WWC2: variants seen among roughly 807,000 people sequenced by gnomAD.
WWC2 encodes protein WWC2.
In WWC2, 101 loss-of-function variants were observed where a neutral mutation model predicts 138.5. The observed-to-expected ratio is 0.73, with a 90% CI of 0.62 to 0.86. The LOEUF is 0.86. Ranked by LOEUF, WWC2 falls within the 40% of genes least tolerant of loss-of-function variation. The pLI is 0.00. For synonymous variants in WWC2, 558 were observed against 538.4 expected, an observed-to-expected ratio of 1.04 and a Z score of -0.50; for missense variants, 1,420 against 1,419.4, an observed-to-expected ratio of 1.00 and a Z score of -0.01.
At chr4:183,166,141 T>G (rs1734121270) in intron 1 of WWC2, among the ~76,000 whole-genome samples, 1 of 152,200 alleles carries the variant, frequency 6.6e-6, no homozygotes, top group Non-Finnish European at 1.5e-5. Context: ...TCATTTATGT[T>G]ACTCCCTCCC....
chr4:183,188,715 A>G (rs1230912280), intron 1 of WWC2, among the ~76,000 whole-genome samples: 9 of 128,462 alleles, frequency 7.0e-5, no homozygotes, highest in Non-Finnish European at 1.4e-4. Context: ...CCCGATCTTC[A>G]CTCACTGCAA....
In WWC2 at chr4:183,319,607, T is replaced by C. The variant is rs1167595007; in HGVS notation, c.*3878T>C. On this transcript the variant is annotated 3_prime_UTR_variant, in exon 23 of 23. Coordinates refer to ENST00000403733, the MANE Select transcript of WWC2 (RefSeq NM_024949.6). ...TCTCCAGTTCTTGATGATGATCTTGTGTTTGTGCCACTGCGTAGTGGCCCG... is the reference window on the plus strand; with the variant it reads ...TCTCCAGTTCTTGATGATGATCTTGCGTTTGTGCCACTGCGTAGTGGCCCG... 1.9e-6 allele frequency: 3 copies of C among 1,613,898 alleles called. No homozygotes were observed. Among genetic ancestry groups the C allele is most frequent in the Admixed American group, 3.3e-5 (2 of 59,972 alleles).
chr4:183,279,218 C>T (rs1737980179), intron 16 of WWC2, among the ~76,000 whole-genome samples: 1 of 152,032 alleles, frequency 6.6e-6, no homozygotes, highest in Non-Finnish European at 1.5e-5. Context: ...GCTTTTTCTG[C>T]ATCTATTGAG....
chr4:183,214,909 C>A (rs1446181226), intron 4 of WWC2, among the ~76,000 whole-genome samples: 1 of 152,148 alleles, frequency 6.6e-6, no homozygotes, highest in African/African-American at 2.4e-5. Context: ...CAAGTTCTTT[C>A]AGCTGTGACT....
intron 22 of WWC2, among the ~76,000 whole-genome samples, chr4:183,314,331 C>T (rs948120214): frequency 1.5e-4 from 23 of 152,238 alleles, no homozygotes; most frequent in African/African-American, 5.1e-4. Flanking sequence ...CGTGGAAAGT[C>T]ACACAACTCG....
At chr4:183,181,744 C>T (rs1734639610) in intron 1 of WWC2, among the ~76,000 whole-genome samples, 1 of 152,106 alleles carries the variant, frequency 6.6e-6, no homozygotes, top group Non-Finnish European at 1.5e-5. Context: ...TTCATCTGTG[C>T]AAGGAGTTAG....
In WWC2 at chr4:183,210,425, A is replaced by G. The variant is rs149104552; in HGVS notation, c.522+1400A>G. Among the ~76,000 whole-genome samples, 71 of 152,192 alleles carry G rather than the reference A, an allele frequency of 4.7e-4. 1 individual carries two copies. The East Asian group carries it at 0.013, about 28-fold the overall frequency. On this transcript the variant is annotated intron_variant, in intron 4 of 22. Transcript: ENST00000403733. The stretch of plus-strand genomic sequence containing the variant: ...TGTATTGTATTAGGATTCTTGTTAA[A>G]TAAGTTAAATAAGTAGATTTTGTGA...
chr4:183,245,366 T>G, intron 5 of WWC2, 50 bp from the exon 6 acceptor site: 1 of 1,435,762 alleles, frequency 7.0e-7, no homozygotes. Context: ...CTGTTTAACT[T>G]ATATGCTATC....
intron 4 of WWC2, among the ~76,000 whole-genome samples, chr4:183,212,434 A>G (rs1022347293): frequency 3.3e-5 from 5 of 152,112 alleles, no homozygotes; most frequent in African/African-American, 9.7e-5. Context: ...TACCGTGTCT[A>G]TATGTTTGTT....
At chr4:183,210,390 G>T (rs1256879570) in intron 4 of WWC2, among the ~76,000 whole-genome samples, 1 of 151,920 alleles carries the variant, frequency 6.6e-6, no homozygotes, top group Non-Finnish European at 1.5e-5. Context: ...AGGACTATAG[G>T]GAATAACATT....
intron 1 of WWC2, among the ~76,000 whole-genome samples, chr4:183,174,878 T>C (rs1734415198): frequency 6.6e-6 from 1 of 152,178 alleles, no homozygotes; most frequent in African/African-American, 2.4e-5. Context: ...ATATGTAAGA[T>C]AAATATATCT....
At chr4:183,203,936 C>A (rs1735374241) in intron 2 of WWC2, among the ~76,000 whole-genome samples, 1 of 152,196 alleles carries the variant, frequency 6.6e-6, no homozygotes. Flanking sequence ...GACCAAACTT[C>A]TTCAGTTTCC....
At chr4:183,198,789 TAAAAAAA>T (rs56182831) in intron 2 of WWC2, among the ~76,000 whole-genome samples, 69 of 72,342 alleles carry the variant, frequency 9.5e-4, no homozygotes, top group African/African-American at 3.7e-3. Context: ...CTCGTCTCTT[TAAAAAAA>T]AAAAAAAAAA....
rs573468958 is a variant in WWC2 at position 183,298,975 on chromosome 4, T to TA, written c.3384+9341dup. 2.2e-4 allele frequency among the ~76,000 whole-genome samples: 33 copies of TA among 152,296 alleles called. 1 individual carries two copies. The South Asian group carries it at 6.8e-3, about 32-fold the overall frequency. On this transcript the variant is annotated intron_variant, in intron 21 of 22. Transcript: ENST00000403733. ...CACAGGTTATGCAGAGCAGATTTTT[T>TA]ATCACACTGTAGGAAACTATGCTGT...
chr4:183,225,900 C>A (rs902598684), intron 4 of WWC2, among the ~76,000 whole-genome samples: 1 of 152,004 alleles, frequency 6.6e-6, no homozygotes, highest in Non-Finnish European at 1.5e-5. Flanking sequence ...TGGAGCCCAC[C>A]AAATATTGAA....
chr4:183,320,431 G>C lies in WWC2; in HGVS notation c.*4702G>C, dbSNP rs941772620. On this transcript the variant is annotated 3_prime_UTR_variant, in exon 23 of 23. Transcript: ENST00000403733. The stretch of plus-strand genomic sequence containing the variant: ...TAATGCCGCCAACCAGTAATGCCAA[G>C]GTGTGGCCAAGATTGTGTTTGTGTC... 8 of 594,144 alleles carry C rather than the reference G, an allele frequency of 1.3e-5. No individual in the cohort carries two copies. Among genetic ancestry groups the C allele is most frequent in the African/African-American group, 1.9e-5 (1 of 53,674 alleles). 36.8% of individuals were successfully genotyped at this position (594,144 alleles called of 1,614,324 possible).
intron 9 of WWC2, 74 bp from the exon 10 acceptor site, chr4:183,259,565 A>C: frequency 8.7e-7 from 1 of 1,155,778 alleles, no homozygotes; most frequent in Non-Finnish European, 1.2e-6. Flanking sequence ...ATGTTTGTAC[A>C]ATGAGAATCT....
chr4:183,289,579 C>T lies in WWC2; in HGVS notation c.3328C>T (p.Pro1110Ser). 6.2e-7 allele frequency: 1 copy of T among 1,613,866 alleles called. No individual in the cohort carries two copies. The highest frequency in any genetic ancestry group is 8.5e-7 in the Non-Finnish European group (1 of 1,179,872). Residue 1110 changes from proline to serine, a missense_variant, in exon 21 of 23, where the codon CCA becomes TCA. Pro to Ser is a moderately conservative substitution (Grantham distance 74, BLOSUM62 -1). Transcript: ENST00000403733. ...LKAQGETDLP[P>S]GVLEDERFQR... ...AGCTCAGGGAGAGACTGACCTTCCACCAGGCGTGCTGGAGGATGAGAGGTT... is the reference window on the plus strand; with the variant it reads ...AGCTCAGGGAGAGACTGACCTTCCATCAGGCGTGCTGGAGGATGAGAGGTT...
chr4:183,196,320 A>G (rs1309406572), intron 2 of WWC2, among the ~76,000 whole-genome samples: 4 of 152,200 alleles, frequency 2.6e-5, no homozygotes, highest in African/African-American at 9.7e-5. Flanking sequence ...TGTCTCTGTG[A>G]CTTGCCACTG....
Sources: allele counts gnomAD v4.1 joint callset (sites outside exome capture counted in the v4.1 genomes callset), GRCh38; gene constraint gnomAD v4.1.1; transcripts MANE v1.5; gene names NCBI Gene and HGNC (gene_info 2026-07-23, HGNC 2026-07-21).